ASIC2: variants seen among roughly 807,000 people sequenced by gnomAD.
ASIC2 encodes the protein acid-sensing ion channel 2.
In ASIC2, 25 loss-of-function variants were observed where a neutral mutation model predicts 57.3. The observed-to-expected ratio is 0.44, with a 90% CI of 0.32 to 0.61. The LOEUF (loss-of-function observed/expected upper bound fraction) is 0.61. Among genes scored for constraint, ASIC2 ranks in the 20% least tolerant of loss-of-function variants. The pLI is 0.06. For missense variants in ASIC2, 641 were observed against 738.1 expected (o/e 0.87, Z 1.52); for synonymous variants, 319 against 307.5 (o/e 1.04, Z -0.39).
chr17:33,842,170 A>G (rs890301946), intron 1 of ASIC2, among the ~76,000 whole-genome samples: 18 of 152,312 alleles, frequency 1.2e-4, no homozygotes, highest in African/African-American at 3.4e-4. Flanking sequence ...CAGTTTATAC[A>G]GCATTTTCAC....
intron 1 of ASIC2, among the ~76,000 whole-genome samples, chr17:33,630,266 T>G (rs539178548): frequency 2.1e-4 from 32 of 152,310 alleles, no homozygotes; most frequent in African/African-American, 7.2e-4. Context: ...GGTCGCATGC[T>G]GACAGTTCCT....
chr17:34,044,653 T>A (rs1307243596), intron 1 of ASIC2, among the ~76,000 whole-genome samples: 1 of 152,194 alleles, frequency 6.6e-6, no homozygotes, highest in African/African-American at 2.4e-5. Flanking sequence ...TGTTTCTCCA[T>A]CTCTCTTCCA....
chr17:33,536,613 T>C (rs944070273), intron 1 of ASIC2, among the ~76,000 whole-genome samples: 4 of 152,230 alleles, frequency 2.6e-5, no homozygotes, highest in South Asian at 2.1e-4. Flanking sequence ...TCTCACCTTA[T>C]CTTGCATATA....
At chr17:33,727,905 T>A (rs141062703) in intron 1 of ASIC2, among the ~76,000 whole-genome samples, 1 of 152,242 alleles carries the variant, frequency 6.6e-6, no homozygotes, top group Non-Finnish European at 1.5e-5. Flanking sequence ...GTTCATATTG[T>A]CTATCCACCA....
chr17:33,017,083 C>T (rs958194369), intron 8 of ASIC2, among the ~76,000 whole-genome samples: 1 of 152,224 alleles, frequency 6.6e-6, no homozygotes, highest in Admixed American at 6.5e-5. Flanking sequence ...GGGCGGCTGG[C>T]GTGCCCTGCT....
chr17:33,539,235 C>A (rs1000525693), intron 1 of ASIC2, among the ~76,000 whole-genome samples: 1 of 152,194 alleles, frequency 6.6e-6, no homozygotes, highest in African/African-American at 2.4e-5. Flanking sequence ...TTTAATGGAC[C>A]CCAGATGCTT....
At chr17:33,168,186 C>G (rs754863655) in intron 1 of ASIC2, among the ~76,000 whole-genome samples, 1 of 152,196 alleles carries the variant, frequency 6.6e-6, no homozygotes, top group Non-Finnish European at 1.5e-5. Flanking sequence ...TTACCAGCCT[C>G]AGAACTGGGA....
At chr17:33,646,321 T>C (rs556549973) in intron 1 of ASIC2, among the ~76,000 whole-genome samples, 2 of 152,212 alleles carry the variant, frequency 1.3e-5, no homozygotes, top group South Asian at 2.1e-4. Flanking sequence ...AAGGAAAAGA[T>C]TGCATTGTAC....
chr17:33,355,447 T>C (rs2142253984), intron 1 of ASIC2, among the ~76,000 whole-genome samples: 1 of 151,830 alleles, frequency 6.6e-6, no homozygotes, highest in Non-Finnish European at 1.5e-5. Flanking sequence ...AAGCAGTGCC[T>C]AGGTTTCCAT....
intron 3 of ASIC2, among the ~76,000 whole-genome samples, chr17:33,062,468 G>A (rs1180524455): frequency 6.6e-6 from 1 of 152,166 alleles, no homozygotes; most frequent in Non-Finnish European, 1.5e-5. Flanking sequence ...GTAGTTGAGC[G>A]GTTTTGAGTG....
intron 1 of ASIC2, among the ~76,000 whole-genome samples, chr17:34,023,423 G>C (rs1402674149): frequency 6.6e-6 from 1 of 150,846 alleles, no homozygotes; most frequent in African/African-American, 2.4e-5. Flanking sequence ...TTTTGATTCT[G>C]AACTGCTGCA....
chr17:33,025,779 G>C, intron 5 of ASIC2, 147 bp downstream of exon 5: 1 of 698,480 alleles, frequency 1.4e-6, no homozygotes, highest in Non-Finnish European at 2.2e-6. Flanking sequence ...TCCCATCCCT[G>C]CAGCAACTCC....
At chr17:33,856,286 T>G (rs1199485401) in intron 1 of ASIC2, among the ~76,000 whole-genome samples, 1 of 152,206 alleles carries the variant, frequency 6.6e-6, no homozygotes, top group Non-Finnish European at 1.5e-5. Context: ...TGTGAGACTT[T>G]AAAAATGTAG....
At chr17:33,329,021 C>A (rs535701990) in intron 1 of ASIC2, among the ~76,000 whole-genome samples, 1 of 152,122 alleles carries the variant, frequency 6.6e-6, no homozygotes, top group South Asian at 2.1e-4. Flanking sequence ...TGACTAAAAG[C>A]CTTCCTTATT....
At chr17:33,932,640 G>A (rs1179490918) in intron 1 of ASIC2, 1 of 143,160 alleles carries the variant, frequency 7.0e-6, no homozygotes, top group Non-Finnish European at 1.5e-5. Flanking sequence ...TTGAATCCAG[G>A]AGGCGGAGGT....
chr17:33,187,880 C>T (rs762947350), intron 1 of ASIC2, among the ~76,000 whole-genome samples: 4 of 129,102 alleles, frequency 3.1e-5, no homozygotes, highest in Non-Finnish European at 4.8e-5. Context: ...TAACGCCTGA[C>T]AGCCAATCAA....
chr17:33,635,959 T>C (rs765676185), intron 1 of ASIC2, among the ~76,000 whole-genome samples: 42 of 152,234 alleles, frequency 2.8e-4, no homozygotes, highest in Non-Finnish European at 5.4e-4. Context: ...ATGGAGCCCA[T>C]GCATACAAAG....
intron 1 of ASIC2, among the ~76,000 whole-genome samples, chr17:34,057,424 A>G (rs1908809778): frequency 6.6e-6 from 1 of 152,216 alleles, no homozygotes; most frequent in Admixed American, 6.5e-5. Context: ...GGAGGGTGTG[A>G]TTGAGGAAAT....
rs999240249 is a variant in ASIC2 at position 33,110,846 on chromosome 17, G to C, written c.859+1071C>G. 2.6e-5 allele frequency among the ~76,000 whole-genome samples: 4 copies of C among 152,120 alleles called. No individual in the cohort carries two copies. In the South Asian group the frequency reaches 8.3e-4, roughly 32 times the overall value. On this transcript the variant is annotated intron_variant, in intron 2 of 9. Coordinates refer to ENST00000225823, the MANE Select transcript of ASIC2 (RefSeq NM_183377.2). The stretch of plus-strand genomic sequence containing the variant: ...CTCAGCCCCAACCTGAGGGCCCAGG[G>C]CCTCCCTCCTGCTGGAATCTTCCCT...
Sources: allele counts gnomAD v4.1 joint callset (sites outside exome capture counted in the v4.1 genomes callset), GRCh38; gene constraint gnomAD v4.1.1; transcripts MANE v1.5; gene names NCBI Gene and HGNC (gene_info 2026-07-23, HGNC 2026-07-21).